NPAS3: variants seen among roughly 807,000 people sequenced by gnomAD.
The protein encoded by NPAS3 is neuronal PAS domain protein 3.
Under a neutral mutation model 73.1 loss-of-function variants are expected in NPAS3, and 14 were observed. That is an observed-to-expected ratio of 0.19 (90% CI 0.13 to 0.30). The LOEUF is 0.30. Among genes scored for constraint, NPAS3 ranks in the 10% least tolerant of loss-of-function variants. NPAS3 has a pLI of 1.00. For missense variants in NPAS3, 1,096 were observed against 1,250.0 expected, an observed-to-expected ratio of 0.88 and a Z score of 1.86; for synonymous variants, 620 against 541.5, an observed-to-expected ratio of 1.14 and a Z score of -2.01.
chr14:33,334,258 A>T (rs1022086392), intron 3 of NPAS3, among the ~76,000 whole-genome samples: 1 of 152,120 alleles, frequency 6.6e-6, no homozygotes, highest in African/African-American at 2.4e-5. Context: ...CAATTCACTG[A>T]TTATAAGTGT....
chr14:32,942,090 GT>G (rs2036042382), intron 1 of NPAS3, among the ~76,000 whole-genome samples: 1 of 152,092 alleles, frequency 6.6e-6, no homozygotes, highest in Non-Finnish European at 1.5e-5. Context: ...GTATTTCCTT[GT>G]AGCAGTTGAA....
intron 4 of NPAS3, among the ~76,000 whole-genome samples, chr14:33,475,706 G>A (rs73265045): frequency 6.6e-5 from 10 of 152,104 alleles, no homozygotes; most frequent in African/African-American, 2.4e-4. Flanking sequence ...TTCTAGTTCT[G>A]GTTTGGAGAG....
At chr14:33,730,386 A>G (rs2140613712) in intron 6 of NPAS3, among the ~76,000 whole-genome samples, 2 of 152,326 alleles carry the variant, frequency 1.3e-5, no homozygotes, top group Middle Eastern at 6.8e-3. Flanking sequence ...GTTAGTCAGT[A>G]TGGGCTAGCT....
At chr14:33,237,785 CTT>C (rs1013664019) in intron 3 of NPAS3, among the ~76,000 whole-genome samples, 2 of 151,640 alleles carry the variant, frequency 1.3e-5, no homozygotes, top group African/African-American at 4.8e-5. Flanking sequence ...ATTTATAGAA[CTT>C]AATGCACAGG....
At chr14:33,499,809 T>G (rs758490152) in intron 4 of NPAS3, among the ~76,000 whole-genome samples, 3 of 151,968 alleles carry the variant, frequency 2.0e-5, no homozygotes, top group Non-Finnish European at 4.4e-5. Context: ...ATGGATGCTT[T>G]CTTTCTCATT....
At chr14:33,710,718 G>A (rs1005870821) in intron 6 of NPAS3, among the ~76,000 whole-genome samples, 6 of 152,190 alleles carry the variant, frequency 3.9e-5, no homozygotes, top group African/African-American at 1.4e-4. Context: ...TAGGCTGAGT[G>A]TCCCTAGGAC....
intron 4 of NPAS3, among the ~76,000 whole-genome samples, chr14:33,416,072 C>T (rs897154845): frequency 3.3e-5 from 5 of 152,054 alleles, no homozygotes; most frequent in African/African-American, 1.2e-4. Flanking sequence ...AAAACCTCCT[C>T]TTATTTTTGT....
intron 5 of NPAS3, among the ~76,000 whole-genome samples, chr14:33,628,630 A>C (rs1321451132): frequency 6.6e-6 from 1 of 152,198 alleles, no homozygotes; most frequent in East Asian, 1.9e-4. Context: ...CACGTGTTTA[A>C]GCCCAAAGAT....
In NPAS3 at chr14:33,353,879, C is replaced by G. The variant is rs74042067; in HGVS notation, c.386-13307C>G. Among the ~76,000 whole-genome samples the G allele has an allele frequency of 9.0e-3, 1,376 of 152,186 alleles. 19 individuals carry two copies. Among genetic ancestry groups the G allele is most frequent in the African/African-American group, 0.032 (1,312 of 41,534 alleles). ...GTTTAGATATATTCAGGCAGCTTTC[C>G]CTATCCGATTCTAGTTCTGGATGTG... On this transcript the variant is annotated intron_variant, in intron 3 of 11. Transcript: ENST00000356141.
chr14:33,450,277 G>C (rs531360149), intron 4 of NPAS3, among the ~76,000 whole-genome samples: 1 of 152,154 alleles, frequency 6.6e-6, no homozygotes, highest in Non-Finnish European at 1.5e-5. Context: ...AGTAGGTGCC[G>C]TGTGGTAGGT....
At chr14:33,392,712 T>C (rs1187237455) in intron 4 of NPAS3, among the ~76,000 whole-genome samples, 1 of 152,136 alleles carries the variant, frequency 6.6e-6, no homozygotes, top group Non-Finnish European at 1.5e-5. Flanking sequence ...GGTGTTTGAG[T>C]AGTGTCTATC....
At chr14:32,979,808 A>G (rs2037827355) in intron 1 of NPAS3, among the ~76,000 whole-genome samples, 1 of 152,358 alleles carries the variant, frequency 6.6e-6, no homozygotes, top group African/African-American at 2.4e-5. Flanking sequence ...TTCCAAGATC[A>G]CAAAGGAGTA....
chr14:33,019,628 T>C (rs1253559001), intron 1 of NPAS3, among the ~76,000 whole-genome samples: 2 of 152,194 alleles, frequency 1.3e-5, no homozygotes, highest in Non-Finnish European at 2.9e-5. Context: ...GTGTGCATCA[T>C]TGGAACTAGG....
At chr14:33,688,129 C>T (rs1439725566) in intron 6 of NPAS3, among the ~76,000 whole-genome samples, 1 of 152,158 alleles carries the variant, frequency 6.6e-6, no homozygotes, top group African/African-American at 2.4e-5. Context: ...AGGTTACATG[C>T]ATAAATTGCA....
At chr14:33,276,771 T>C (rs2041355484) in intron 3 of NPAS3, among the ~76,000 whole-genome samples, 1 of 152,078 alleles carries the variant, frequency 6.6e-6, no homozygotes. Context: ...ATGATTATTT[T>C]CTCATGCTTT....
At chr14:33,530,067 A>G (rs1222972023) in intron 4 of NPAS3, among the ~76,000 whole-genome samples, 1 of 152,122 alleles carries the variant, frequency 6.6e-6, no homozygotes, top group Non-Finnish European at 1.5e-5. Flanking sequence ...TGATAAACAT[A>G]CTTTCTTTCC....
At chr14:33,405,781 A>G (rs986478083) in intron 4 of NPAS3, among the ~76,000 whole-genome samples, 1 of 152,148 alleles carries the variant, frequency 6.6e-6, no homozygotes, top group African/African-American at 2.4e-5. Flanking sequence ...TGCCCACACC[A>G]TCCCAGCACT....
chr14:33,388,478 G>A (rs2046864125), intron 4 of NPAS3, among the ~76,000 whole-genome samples: 1 of 151,832 alleles, frequency 6.6e-6, no homozygotes, highest in Non-Finnish European at 1.5e-5. Flanking sequence ...AATATGATTG[G>A]GATTTCTGTG....
At chr14:33,682,842 T>C (rs2059977162) in intron 6 of NPAS3, among the ~76,000 whole-genome samples, 2 of 152,194 alleles carry the variant, frequency 1.3e-5, no homozygotes, top group African/African-American at 4.8e-5. Flanking sequence ...GTAAAATCTC[T>C]CCTTCCCACT....
Sources: gnomAD v4.1 joint callset for allele counts (sites outside exome capture counted in the v4.1 genomes callset) on GRCh38, gnomAD v4.1.1 for gene constraint, MANE v1.5 for transcripts, NCBI Gene and HGNC (gene_info 2026-07-23, HGNC 2026-07-21) for gene names.